GUCY1A2: variants seen among roughly 807,000 people sequenced by gnomAD.
GUCY1A2 encodes the protein guanylate cyclase 1 soluble subunit alpha 2.
A neutral mutation model predicts 63.5 loss-of-function variants in GUCY1A2; 27 were observed. The observed-to-expected ratio is 0.43, with a 90% CI of 0.31 to 0.59. GUCY1A2 has a LOEUF of 0.59. Among genes scored for constraint, GUCY1A2 ranks in the 20% least tolerant of loss-of-function variants. GUCY1A2 has a pLI of 0.11. For missense variants in GUCY1A2, 768 were observed against 913.3 expected, an observed-to-expected ratio of 0.84 and a Z score of 2.05; for synonymous variants, 364 against 343.5, an observed-to-expected ratio of 1.06 and a Z score of -0.66.
At chr11:106,751,317 G>A (rs1198447434) in intron 6 of GUCY1A2, among the ~76,000 whole-genome samples, 1 of 152,090 alleles carries the variant, frequency 6.6e-6, no homozygotes, top group African/African-American at 2.4e-5. Flanking sequence ...TATTTCTAGA[G>A]TCTTGCCAGC....
chr11:106,953,160 T>C (rs1297399328), intron 3 of GUCY1A2, among the ~76,000 whole-genome samples: 3 of 152,208 alleles, frequency 2.0e-5, no homozygotes, highest in Admixed American at 6.5e-5. Flanking sequence ...ATATTGGCTG[T>C]GGGTTTGTCA....
chr11:106,943,289 T>C (rs972788993), intron 3 of GUCY1A2, among the ~76,000 whole-genome samples: 1 of 152,210 alleles, frequency 6.6e-6, no homozygotes, highest in African/African-American at 2.4e-5. Context: ...AGTAAATCAT[T>C]TGAAACATAT....
At chr11:106,810,747 T>C (rs1329382340) in intron 4 of GUCY1A2, among the ~76,000 whole-genome samples, 2 of 152,038 alleles carry the variant, frequency 1.3e-5, no homozygotes, top group Non-Finnish European at 2.9e-5. Context: ...CAGGAAAACA[T>C]TTTTTATTCA....
chr11:106,961,788 A>G (rs1365485917), intron 3 of GUCY1A2, among the ~76,000 whole-genome samples: 3 of 152,138 alleles, frequency 2.0e-5, no homozygotes, highest in South Asian at 2.1e-4. Context: ...TTTTTTTTCT[A>G]TCCCACTAAC....
At chr11:106,846,080 C>G (rs1859267141) in intron 4 of GUCY1A2, among the ~76,000 whole-genome samples, 1 of 151,534 alleles carries the variant, frequency 6.6e-6, no homozygotes. Context: ...ATGTTAACAT[C>G]AGGACACTTT....
chr11:106,719,943 A>G (rs1386389168), intron 6 of GUCY1A2, among the ~76,000 whole-genome samples: 1 of 152,250 alleles, frequency 6.6e-6, no homozygotes, highest in Non-Finnish European at 1.5e-5. Flanking sequence ...CCAGCATTCT[A>G]TAAATTCCTT....
intron 6 of GUCY1A2, among the ~76,000 whole-genome samples, chr11:106,717,684 C>G (rs1052864510): frequency 6.6e-6 from 1 of 152,160 alleles, no homozygotes; most frequent in Non-Finnish European, 1.5e-5. Context: ...TTGGAAAAGT[C>G]TTTAACTGCT....
intron 3 of GUCY1A2, among the ~76,000 whole-genome samples, chr11:106,955,068 G>A (rs1392508735): frequency 4.6e-5 from 7 of 151,872 alleles, no homozygotes; most frequent in Non-Finnish European, 1.0e-4. Context: ...AACCTCCCAG[G>A]TTCAAGCAAT....
intron 6 of GUCY1A2, among the ~76,000 whole-genome samples, chr11:106,725,921 G>A (rs1435706585): frequency 4.0e-5 from 6 of 151,868 alleles, no homozygotes; most frequent in Admixed American, 3.3e-4. Flanking sequence ...CAGTACTCTG[G>A]GGGCAGGGAG....
chr11:106,871,516 T>C (rs376918681), intron 4 of GUCY1A2, among the ~76,000 whole-genome samples: 6 of 152,238 alleles, frequency 3.9e-5, no homozygotes, highest in African/African-American at 1.4e-4. Flanking sequence ...GTGACTCCCA[T>C]CTCTGCCACC....
intron 4 of GUCY1A2, among the ~76,000 whole-genome samples, chr11:106,823,205 T>G (rs1217435050): frequency 3.3e-5 from 5 of 152,144 alleles, no homozygotes; most frequent in Non-Finnish European, 7.4e-5. Context: ...ATATTGAACA[T>G]TGTACCCAAG....
At chr11:106,830,268 T>C (rs1033735270) in intron 4 of GUCY1A2, among the ~76,000 whole-genome samples, 3 of 152,212 alleles carry the variant, frequency 2.0e-5, no homozygotes, top group Non-Finnish European at 1.5e-5. Flanking sequence ...TATTATGTTA[T>C]GTGTAATTAT....
chr11:106,788,818 T>A (rs2135410901), intron 5 of GUCY1A2, among the ~76,000 whole-genome samples: 1 of 152,342 alleles, frequency 6.6e-6, no homozygotes, highest in South Asian at 2.1e-4. Context: ...TGTAGTATAA[T>A]TTGAAGTCAG....
chr11:106,942,225 A>G (rs1326961031), intron 3 of GUCY1A2, among the ~76,000 whole-genome samples: 1 of 152,092 alleles, frequency 6.6e-6, no homozygotes, highest in Non-Finnish European at 1.5e-5. Context: ...CTTTAATTTG[A>G]CACTATTAAT....
intron 4 of GUCY1A2, chr11:106,827,012 T>A: frequency 6.2e-7 from 1 of 1,608,272 alleles, no homozygotes; most frequent in African/African-American, 1.3e-5. Flanking sequence ...ACAGGCCACA[T>A]CTCTGTATTA....
intron 5 of GUCY1A2, among the ~76,000 whole-genome samples, chr11:106,780,374 A>G (rs920995191): frequency 2.0e-5 from 3 of 152,210 alleles, no homozygotes; most frequent in Non-Finnish European, 4.4e-5. Flanking sequence ...TGATACAGTA[A>G]CAATTTAACC....
chr11:107,016,899 C>T (rs763330753), intron 1 of GUCY1A2, among the ~76,000 whole-genome samples: 1 of 152,058 alleles, frequency 6.6e-6, no homozygotes, highest in African/African-American at 2.4e-5. Flanking sequence ...AAGTACAGAG[C>T]GGTTTAAATA....
At chr11:106,698,210 C>T (rs1862756020) in intron 7 of GUCY1A2, among the ~76,000 whole-genome samples, 1 of 145,176 alleles carries the variant, frequency 6.9e-6, no homozygotes, top group Admixed American at 7.1e-5. Flanking sequence ...GCCTCCATCT[C>T]CTAGGCTTAA....
In GUCY1A2 at chr11:106,955,057, C is replaced by T. The variant is rs1172305446; in HGVS notation, c.488-14879G>A. Among the ~76,000 whole-genome samples the T allele has an allele frequency of 2.0e-5, 3 of 152,050 alleles. No individual in the cohort carries two copies. The East Asian group carries it at 5.8e-4, about 29-fold the overall frequency. ...GCAATGGCATGATCTCGGCTCACCG[C>T]AACCTCCCAGGTTCAAGCAATTCTC... On this transcript the variant is annotated intron_variant, in intron 3 of 7. Coordinates refer to ENST00000526355, the MANE Select transcript of GUCY1A2 (RefSeq NM_000855.3).
Sources: gnomAD v4.1 joint callset for allele counts (sites outside exome capture counted in the v4.1 genomes callset) on GRCh38, gnomAD v4.1.1 for gene constraint, MANE v1.5 for transcripts, NCBI Gene and HGNC (gene_info 2026-07-23, HGNC 2026-07-21) for gene names.